The following DNAH11 variants were observed in gnomAD, a reference collection of about 807,000 sequenced individuals.
DNAH11 encodes the protein dynein axonemal heavy chain 11, also known as axonemal beta dynein heavy chain 11.
In DNAH11, 442 loss-of-function variants were observed where a neutral mutation model predicts 526.0. That is an observed-to-expected ratio of 0.84 (90% CI 0.78 to 0.91). The LOEUF (loss-of-function observed/expected upper bound fraction) is 0.91. DNAH11 is among the 40% of genes least tolerant of loss of function. DNAH11 has a pLI of 0.00. For synonymous variants in DNAH11, 2,461 were observed against 1,935.9 expected, an observed-to-expected ratio of 1.27 and a Z score of -7.12; for missense variants, 6,989 against 5,448.7, an observed-to-expected ratio of 1.28 and a Z score of -8.90.
intron 28 of DNAH11, among the ~76,000 whole-genome samples, chr7:21,651,949 G>C (rs951244799): frequency 7.2e-5 from 11 of 152,218 alleles, no homozygotes; most frequent in African/African-American, 2.7e-4. Flanking sequence ...TTCACACACA[G>C]ACAGCTAAGC....
chr7:21,654,522 A>G (rs899289427), intron 28 of DNAH11, among the ~76,000 whole-genome samples: 11 of 152,164 alleles, frequency 7.2e-5, no homozygotes, highest in South Asian at 2.1e-4. Context: ...CCTTTTGGCT[A>G]TTGTGAATAA....
intron 8 of DNAH11, among the ~76,000 whole-genome samples, chr7:21,574,536 TTCCC>T (rs200040070): frequency 8.0e-5 from 12 of 150,526 alleles, no homozygotes; most frequent in African/African-American, 2.5e-4. Flanking sequence ...TACTTTTGTT[TTCCC>T]TCCCTCCCTC....
chr7:21,864,603 C>G lies in DNAH11; in HGVS notation c.11442C>G (p.His3814Gln), dbSNP rs370056975. 128 of 1,610,640 alleles carry G rather than the reference C, an allele frequency of 7.9e-5. No homozygotes were observed. The highest frequency in any genetic ancestry group is 1.1e-4 in the Non-Finnish European group (125 of 1,178,308). ...TCCTGCTTCGATTCACAGTTGAACA[C>G]ACTCATCTGAGTCCCGTTGACTTCC... ...LDFLLRFTVE[H>Q]THLSPVDFLT... The change falls in exon 70 of 82, where the codon CAC (histidine) becomes CAG (glutamine). Residue 3814 changes from histidine to glutamine, a missense_variant. His to Gln is a conservative substitution (Grantham distance 24). Coordinates refer to ENST00000409508, the MANE Select transcript of DNAH11 (RefSeq NM_001277115.2).
intron 31 of DNAH11, 77 bp downstream of exon 31, chr7:21,681,754 A>G (rs1468276732): frequency 6.4e-7 from 1 of 1,569,034 alleles, no homozygotes; most frequent in Non-Finnish European, 8.8e-7. Flanking sequence ...TAGTTCCAAG[A>G]AAGTCGTTGT....
intron 33 of DNAH11, 25 bp downstream of exon 33, chr7:21,687,280 T>G: frequency 6.4e-7 from 1 of 1,557,674 alleles, no homozygotes; most frequent in Non-Finnish European, 8.7e-7. Context: ...GAATAATGTG[T>G]AAAACTTTAT....
chr7:21,629,685 C>T (rs780605616), intron 25 of DNAH11, among the ~76,000 whole-genome samples: 6 of 151,946 alleles, frequency 3.9e-5, no homozygotes, highest in African/African-American at 1.2e-4. Flanking sequence ...ATCTTCTTTA[C>T]CTCTTTTTAC....
At chr7:21,683,349 G>A (rs1044588151) in intron 31 of DNAH11, among the ~76,000 whole-genome samples, 1 of 152,176 alleles carries the variant, frequency 6.6e-6, no homozygotes, top group African/African-American at 2.4e-5. Context: ...GAAAATCTCT[G>A]TACTAAAAGC....
chr7:21,762,895 A>G (rs951423510), intron 54 of DNAH11, among the ~76,000 whole-genome samples: 3 of 152,210 alleles, frequency 2.0e-5, no homozygotes, highest in Non-Finnish European at 4.4e-5. Flanking sequence ...AAAAGCTTCT[A>G]TACAGCAAAG....
chr7:21,788,552 A>G (rs961508573), intron 60 of DNAH11, among the ~76,000 whole-genome samples: 7 of 152,114 alleles, frequency 4.6e-5, no homozygotes. Flanking sequence ...ATAGGAAAGA[A>G]AATTTAATTT....
intron 30 of DNAH11, among the ~76,000 whole-genome samples, chr7:21,676,480 A>G (rs1420970804): frequency 1.3e-5 from 2 of 152,244 alleles, no homozygotes; most frequent in East Asian, 1.9e-4. Flanking sequence ...ACTACATTAT[A>G]TAACTGTGGG....
intron 56 of DNAH11, among the ~76,000 whole-genome samples, chr7:21,778,137 C>G (rs1787759372): frequency 6.6e-6 from 1 of 152,098 alleles, no homozygotes; most frequent in Admixed American, 6.6e-5. Context: ...GACCCTCAAA[C>G]TGAGGAACCT....
chr7:21,563,983 G>A lies in DNAH11; in HGVS notation c.983-203G>A, dbSNP rs10950856. 0.28 allele frequency among the ~76,000 whole-genome samples: 43,307 copies of A among 151,976 alleles called. 6,630 individuals carry two copies. Among genetic ancestry groups the A allele is most frequent in the East Asian group, 0.55 (2,852 of 5,164 alleles). ...GGGTAACTAGATCAGTGCTCTCCCA[G>A]ATGACTCAGTTACAGATGGACAGCG... is the stretch of plus-strand genomic sequence containing the variant. On this transcript the variant is annotated intron_variant, in intron 5 of 81. Coordinates refer to ENST00000409508, the MANE Select transcript of DNAH11 (RefSeq NM_001277115.2).
intron 54 of DNAH11, among the ~76,000 whole-genome samples, chr7:21,757,788 G>C (rs1441355206): frequency 1.3e-5 from 2 of 152,172 alleles, no homozygotes; most frequent in Admixed American, 1.3e-4. Context: ...TTGTATGCAA[G>C]CAACAGATTA....
chr7:21,900,642 G>A (rs1784756004), intron 81 of DNAH11, among the ~76,000 whole-genome samples: 1 of 152,142 alleles, frequency 6.6e-6, no homozygotes, highest in Non-Finnish European at 1.5e-5. Context: ...TAAAGCAAGT[G>A]CCACAAGTTC....
chr7:21,791,448 G>C (rs1412597796), intron 61 of DNAH11, among the ~76,000 whole-genome samples: 1 of 152,210 alleles, frequency 6.6e-6, no homozygotes, highest in Admixed American at 6.5e-5. Context: ...TAGAGTTTAA[G>C]TCATGAGCAA....
At chr7:21,566,673 T>G (rs530051438) in intron 6 of DNAH11, among the ~76,000 whole-genome samples, 1 of 152,060 alleles carries the variant, frequency 6.6e-6, no homozygotes, top group Admixed American at 6.6e-5. Flanking sequence ...GTAATAGAGT[T>G]CTCACCCGTT....
chr7:21,871,548 G>A (rs1783494647), intron 73 of DNAH11, among the ~76,000 whole-genome samples: 1 of 152,170 alleles, frequency 6.6e-6, no homozygotes, highest in Admixed American at 6.5e-5. Context: ...AGGTACTGTT[G>A]TAGCCCATAA....
chr7:21,621,558 A>C (rs1241342992), intron 25 of DNAH11, among the ~76,000 whole-genome samples: 2 of 152,198 alleles, frequency 1.3e-5, no homozygotes, highest in Non-Finnish European at 2.9e-5. Flanking sequence ...ATGAACATTG[A>C]TGCAAAAATC....
intron 25 of DNAH11, among the ~76,000 whole-genome samples, chr7:21,633,520 A>AT (rs1786717152): frequency 6.6e-6 from 1 of 152,170 alleles, no homozygotes; most frequent in African/African-American, 2.4e-5. Context: ...TTTAAATCAC[A>AT]TTTTTTAAAT....
Sources: gnomAD v4.1 joint callset for allele counts (sites outside exome capture counted in the v4.1 genomes callset) on GRCh38, gnomAD v4.1.1 for gene constraint, MANE v1.5 for transcripts, NCBI Gene and HGNC (gene_info 2026-07-23, HGNC 2026-07-21) for gene names.